The following HPSE2 variants were observed in gnomAD, a reference collection of about 807,000 sequenced individuals.
The protein encoded by HPSE2 is inactive heparanase-2.
Under a neutral mutation model 60.5 loss-of-function variants are expected in HPSE2, and 38 were observed. The observed-to-expected ratio is 0.63, with a 90% CI of 0.48 to 0.82. The LOEUF is 0.82. HPSE2 is among the 40% of genes least tolerant of loss of function. HPSE2 has a pLI of 0.00. For missense variants in HPSE2, 713 were observed against 740.4 expected (o/e 0.96, Z 0.43); for synonymous variants, 295 against 293.2 (o/e 1.01, Z -0.06).
intron 9 of HPSE2, among the ~76,000 whole-genome samples, chr10:98,583,274 C>A (rs1944854023): frequency 6.6e-6 from 1 of 152,190 alleles, no homozygotes; most frequent in Non-Finnish European, 1.5e-5. Context: ...AGTGGGAAAC[C>A]TCTTAGAGGG....
intron 3 of HPSE2, among the ~76,000 whole-genome samples, chr10:98,793,754 C>T (rs1013505270): frequency 3.9e-5 from 6 of 152,102 alleles, no homozygotes; most frequent in Admixed American, 1.3e-4. Flanking sequence ...TGAGTTAGGG[C>T]CCAATGATGA....
chr10:98,919,881 G>T (rs963732981), intron 3 of HPSE2, among the ~76,000 whole-genome samples: 1 of 152,146 alleles, frequency 6.6e-6, no homozygotes, highest in African/African-American at 2.4e-5. Flanking sequence ...CACTGAAATG[G>T]AAAGTCACTT....
At chr10:99,081,962 C>A (rs1843160377) in intron 3 of HPSE2, among the ~76,000 whole-genome samples, 1 of 152,198 alleles carries the variant, frequency 6.6e-6, no homozygotes, top group Non-Finnish European at 1.5e-5. Context: ...CTTAAAGCTA[C>A]CAATTCATTT....
At chr10:98,722,294 C>A (rs1238559906) in intron 4 of HPSE2, among the ~76,000 whole-genome samples, 2 of 150,652 alleles carry the variant, frequency 1.3e-5, no homozygotes, top group South Asian at 2.1e-4. Flanking sequence ...TACCCAGACA[C>A]AGAGAGAAGA....
At chr10:98,723,348 T>C (rs1020460101) in intron 4 of HPSE2, among the ~76,000 whole-genome samples, 3 of 151,592 alleles carry the variant, frequency 2.0e-5, no homozygotes, top group African/African-American at 4.8e-5. Context: ...TTTTGATGTG[T>C]TGCTGAATTC....
chr10:98,744,187 G>A, intron 3 of HPSE2, 131 bp from the exon 4 acceptor site: 1 of 864,184 alleles, frequency 1.2e-6, no homozygotes, highest in East Asian at 2.7e-5. Flanking sequence ...GCTTCTAAAA[G>A]GGACTATTAC....
chr10:98,710,708 C>T (rs1948655231), intron 5 of HPSE2, among the ~76,000 whole-genome samples: 1 of 152,152 alleles, frequency 6.6e-6, no homozygotes, highest in African/African-American at 2.4e-5. Context: ...CAAGATCACA[C>T]AGGCAGTTAA....
intron 3 of HPSE2, among the ~76,000 whole-genome samples, chr10:99,122,752 T>A (rs1845007547): frequency 6.6e-6 from 1 of 152,136 alleles, no homozygotes; most frequent in Non-Finnish European, 1.5e-5. Flanking sequence ...AATTTGAATG[T>A]AATTCCAAAT....
chr10:98,628,690 G>A (rs1217594203), intron 7 of HPSE2, among the ~76,000 whole-genome samples: 1 of 152,076 alleles, frequency 6.6e-6, no homozygotes, highest in East Asian at 1.9e-4. Context: ...CTCAGTAAAG[G>A]GCCAGTGGCT....
At chr10:98,865,448 G>A (rs1312911360) in intron 3 of HPSE2, among the ~76,000 whole-genome samples, 1 of 152,046 alleles carries the variant, frequency 6.6e-6, no homozygotes, top group East Asian at 1.9e-4. Flanking sequence ...AAGCAACTGA[G>A]CACTGTAATT....
chr10:99,026,389 T>C (rs1021182429), intron 3 of HPSE2, among the ~76,000 whole-genome samples: 9 of 151,920 alleles, frequency 5.9e-5, no homozygotes, highest in African/African-American at 1.9e-4. Flanking sequence ...TATATAATGA[T>C]TAAGGGGTCA....
chr10:98,642,956 C>G (rs898889667), intron 6 of HPSE2, among the ~76,000 whole-genome samples: 1 of 152,204 alleles, frequency 6.6e-6, no homozygotes, highest in Non-Finnish European at 1.5e-5. Context: ...TCAATGTCAA[C>G]TTGCCATACC....
chr10:98,822,078 T>C (rs1360227778), intron 3 of HPSE2, among the ~76,000 whole-genome samples: 1 of 152,156 alleles, frequency 6.6e-6, no homozygotes, highest in East Asian at 1.9e-4. Flanking sequence ...TTAAAAACCT[T>C]ACTCAAAATG....
intron 5 of HPSE2, among the ~76,000 whole-genome samples, chr10:98,718,211 G>T (rs1948837987): frequency 6.6e-6 from 1 of 152,132 alleles, no homozygotes; most frequent in Non-Finnish European, 1.5e-5. Flanking sequence ...TAAAACTGAT[G>T]ATTAAGAATA....
chr10:99,274,912 T>C, the HPSE2 span, among the ~76,000 whole-genome samples: 1 of 152,228 alleles, frequency 6.6e-6, no homozygotes, highest in African/African-American at 2.4e-5. Context: ...CTTACATAGG[T>C]GTAACGTTTT....
the HPSE2 span, among the ~76,000 whole-genome samples, chr10:99,256,120 C>A: frequency 6.6e-6 from 1 of 151,758 alleles, no homozygotes; most frequent in East Asian, 2.0e-4. Flanking sequence ...CCCCATGATC[C>A]AATCACCTCC....
At chr10:99,203,989 A>G (rs1354979637) in intron 2 of HPSE2, among the ~76,000 whole-genome samples, 1 of 151,970 alleles carries the variant, frequency 6.6e-6, no homozygotes, top group East Asian at 1.9e-4. Context: ...GCACTTATAG[A>G]CACAGACTCC....
chr10:99,275,362 G>C, the HPSE2 span, among the ~76,000 whole-genome samples: 1 of 152,148 alleles, frequency 6.6e-6, no homozygotes, highest in Non-Finnish European at 1.5e-5. Flanking sequence ...CATGAAGCAG[G>C]AAGTCCTTCT....
intron 2 of HPSE2, among the ~76,000 whole-genome samples, chr10:99,152,362 A>T (rs1374507097): frequency 6.6e-6 from 1 of 152,034 alleles, no homozygotes; most frequent in Non-Finnish European, 1.5e-5. Flanking sequence ...CAGACCTGCA[A>T]CACAAGAAAT....
Sources: gnomAD v4.1 joint callset for allele counts (sites outside exome capture counted in the v4.1 genomes callset) on GRCh38, gnomAD v4.1.1 for gene constraint, MANE v1.5 for transcripts, NCBI Gene and HGNC (gene_info 2026-07-23, HGNC 2026-07-21) for gene names.